The following ANKRD27 variants were observed in gnomAD, a reference collection of about 807,000 sequenced individuals.
ANKRD27 encodes ankyrin repeat domain 27.
In ANKRD27, 112 loss-of-function variants were observed where a neutral mutation model predicts 129.7. The ratio of observed to expected loss-of-function variants is 0.86; its 90% confidence interval spans 0.74 to 1.01. The LOEUF is 1.01. Among genes scored for constraint, ANKRD27 ranks in the 50% least tolerant of loss-of-function variants. The pLI is 0.00. For synonymous variants in ANKRD27, 516 were observed against 511.2 expected, an observed-to-expected ratio of 1.01 and a Z score of -0.13; for missense variants, 1,258 against 1,300.5, an observed-to-expected ratio of 0.97 and a Z score of 0.50.
At chr19:32,617,752 A>T (rs563311894) in intron 20 of ANKRD27, 119 bp from the exon 21 acceptor site, 11 of 395,904 alleles carry the variant, frequency 2.8e-5, no homozygotes, top group Middle Eastern at 8.2e-4. Flanking sequence ...CGTCTGATTT[A>T]GTTTTTTTTT....
chr19:32,618,257 G>A (rs923526128), intron 20 of ANKRD27, among the ~76,000 whole-genome samples: 4 of 151,412 alleles, frequency 2.6e-5, no homozygotes, highest in South Asian at 2.1e-4. Flanking sequence ...GGCCATGGTC[G>A]CCTTGGAACA....
chr19:32,622,474 T>C lies in ANKRD27; in HGVS notation c.1775A>G (p.Glu592Gly). 6.2e-7 allele frequency: 1 copy of C among 1,613,922 alleles called. No homozygotes were observed. The highest frequency in any genetic ancestry group is 8.5e-7 in the Non-Finnish European group (1 of 1,180,032). Residue 592 changes from glutamate (E) to glycine (G), a missense_variant, in exon 18 of 29, where the codon GAG becomes GGG. Glu to Gly is a moderately conservative substitution (Grantham distance 98). Coordinates refer to ENST00000306065, the MANE Select transcript of ANKRD27 (RefSeq NM_032139.3). The stretch of plus-strand genomic sequence containing the variant: ...CGTCTCCTTCAGTCTGTTCTGGATC[T>C]CGGTGGACGCTCCGTTCTGCAGCAA... ...ETLLQNGAST[E>G]IQNRLKETPL...
chr19:32,670,580 A>G (rs963399964), intron 1 of ANKRD27, among the ~76,000 whole-genome samples: 2 of 152,198 alleles, frequency 1.3e-5, no homozygotes, highest in East Asian at 1.9e-4. Flanking sequence ...AAGCTGAAGC[A>G]TAAGAATCAC....
chr19:32,643,876 T>C, intron 5 of ANKRD27: 1 of 547,966 alleles, frequency 1.8e-6, no homozygotes, highest in Non-Finnish European at 3.3e-6. Context: ...ACCACTTGGT[T>C]TGTTTTTTCT....
intron 21 of ANKRD27, among the ~76,000 whole-genome samples, chr19:32,616,989 G>C (rs1212687921): frequency 6.6e-6 from 1 of 152,158 alleles, no homozygotes. Flanking sequence ...CTGTGCCTCG[G>C]ACATGGTCTC....
At chr19:32,604,013 C>G (rs571662807) in intron 25 of ANKRD27, among the ~76,000 whole-genome samples, 9 of 152,184 alleles carry the variant, frequency 5.9e-5, no homozygotes, top group South Asian at 2.1e-4. Context: ...GAGGGGGGGG[C>G]CCCTCCACTC....
At chr19:32,656,400 C>G (rs958007347) in intron 2 of ANKRD27, among the ~76,000 whole-genome samples, 1 of 152,236 alleles carries the variant, frequency 6.6e-6, no homozygotes, top group Non-Finnish European at 1.5e-5. Flanking sequence ...CCGTACTTTT[C>G]CTCTGCGACA....
chr19:32,632,457 C>T (rs1213831267), intron 12 of ANKRD27, among the ~76,000 whole-genome samples: 2 of 151,242 alleles, frequency 1.3e-5, no homozygotes, highest in African/African-American at 2.4e-5. Flanking sequence ...TGGTGGCGGG[C>T]GCCTGTAATC....
intron 1 of ANKRD27, among the ~76,000 whole-genome samples, chr19:32,666,639 C>T (rs982098699): frequency 1.2e-4 from 13 of 111,976 alleles, no homozygotes; most frequent in South Asian, 2.9e-4. Context: ...AATCAGATTT[C>T]TATTTTTTTT....
At chr19:32,662,311 C>CAA (rs34066529) in intron 1 of ANKRD27, among the ~76,000 whole-genome samples, 3,154 of 34,738 alleles carry the variant, frequency 0.091, 78 homozygotes, top group African/African-American at 0.13. Flanking sequence ...ACTCAGTCTC[C>CAA]AAAAAAAAAA....
Position 32,619,534 on chromosome 19 carries a change from G to C in ANKRD27, c.1847C>G (p.Ala616Gly). 6.2e-7 allele frequency: 1 copy of C among 1,614,114 alleles called. No homozygotes were observed. Among genetic ancestry groups the C allele is most frequent in the East Asian group, 2.2e-5 (1 of 44,868 alleles). The change falls in exon 19 of 29, where the codon GCC becomes GGC. Residue 616 changes from alanine to glycine, a missense_variant. By Grantham distance (60) the Ala-to-Gly change is moderately conservative. Transcript: ENST00000306065. ...CCTCCTCTCGAAGGACAGGTGATAG[G>C]CTTCCATTACAGACAGAATCTAGGG... ...LNSKILSVME[A>G]YHLSFERRQK... is the part of the protein sequence containing the mutation.
chr19:32,646,554 A>G lies in ANKRD27; in HGVS notation c.275T>C (p.Val92Ala), dbSNP rs1967307418. ...GAAAGTTTCTTCAAAGAGAATGGGC[A>G]CTGAGAGAAGACAGGCAAAACCAGC... ...LGAGFACLLS[V>A]PILFEETFYN... The change falls in exon 4 of 29, where the codon GTG becomes GCG. Residue 92 changes from valine to alanine, a missense_variant. By Grantham distance (64) the Val-to-Ala change is moderately conservative. Transcript: ENST00000306065. The G allele has an allele frequency of 1.2e-6, 2 of 1,614,006 alleles. No individual in the cohort carries two copies.
rs1966989228 is a variant in ANKRD27, at chr19:32,631,401, C to T, written c.1209+1G>A. ...CCCACAGAGATGTCTTGGTATCTCACCTTAAACAGGCAGTCGGTGGGAGAC... is the reference window on the plus strand; with the variant it reads ...CCCACAGAGATGTCTTGGTATCTCATCTTAAACAGGCAGTCGGTGGGAGAC... On this transcript the variant is annotated splice_donor_variant, in intron 13 of 28. Transcript: ENST00000306065. LOFTEE classifies it high-confidence loss of function. 2 of 1,613,552 alleles carry T rather than the reference C, an allele frequency of 1.2e-6. No individual in the cohort carries two copies. Among genetic ancestry groups the T allele is most frequent in the South Asian group, 1.1e-5 (1 of 91,066 alleles).
At chr19:32,653,901 G>GTT (rs1967470530) in intron 2 of ANKRD27, among the ~76,000 whole-genome samples, 1 of 151,960 alleles carries the variant, frequency 6.6e-6, no homozygotes, top group Non-Finnish European at 1.5e-5. Flanking sequence ...GGTTTTTTTT[G>GTT]TTTGTTTTTG....
intron 1 of ANKRD27, among the ~76,000 whole-genome samples, chr19:32,671,427 G>A (rs1484704560): frequency 6.6e-6 from 1 of 152,262 alleles, no homozygotes; most frequent in Non-Finnish European, 1.5e-5. Context: ...GCTGGGCACA[G>A]TGGCTCACAC....
chr19:32,666,603 G>A (rs946139629), intron 1 of ANKRD27, among the ~76,000 whole-genome samples: 1 of 150,944 alleles, frequency 6.6e-6, no homozygotes, highest in Non-Finnish European at 1.5e-5. Context: ...CAGAGGGGGT[G>A]CCTACAAAAT....
intron 12 of ANKRD27, 94 bp from the exon 13 acceptor site, chr19:32,631,588 A>G (rs1966993742): frequency 2.1e-6 from 2 of 937,154 alleles, no homozygotes; most frequent in Non-Finnish European, 3.4e-6. Flanking sequence ...TCTTCAGAGC[A>G]GTATCGGCTG....
At chr19:32,618,160 T>G (rs1599742451) in intron 20 of ANKRD27, among the ~76,000 whole-genome samples, 2 of 151,836 alleles carry the variant, frequency 1.3e-5, no homozygotes, top group East Asian at 1.9e-4. Context: ...AATAATAAAC[T>G]GTAACTTTAT....
At chr19:32,656,397 T>C (rs1967538220) in intron 2 of ANKRD27, among the ~76,000 whole-genome samples, 1 of 152,164 alleles carries the variant, frequency 6.6e-6, no homozygotes, top group African/African-American at 2.4e-5. Context: ...GTCCCGTACT[T>C]TTCCTCTGCG....
Sources: allele counts gnomAD v4.1 joint callset (sites outside exome capture counted in the v4.1 genomes callset), GRCh38; gene constraint gnomAD v4.1.1; transcripts MANE v1.5; gene names NCBI Gene and HGNC (gene_info 2026-07-23, HGNC 2026-07-21).